DGAT2L6: variants seen among roughly 807,000 people sequenced by gnomAD.
DGAT2L6 encodes the protein diacylglycerol O-acyltransferase 2 like 6.
Under a neutral mutation model 25.5 loss-of-function variants are expected in DGAT2L6, and 22 were observed. That is an observed-to-expected ratio of 0.86 (90% CI 0.62 to 1.23). DGAT2L6 has a LOEUF of 1.23. DGAT2L6 is among the 50% of genes most tolerant of loss of function. The pLI is 0.00. For missense variants in DGAT2L6, 287 were observed against 253.2 expected (o/e 1.13, Z -0.91); for synonymous variants, 100 against 94.7 (o/e 1.06, Z -0.32).
chrX:70,196,973 T>G (rs1383460883), intron 1 of DGAT2L6, among the ~76,000 whole-genome samples: 2 of 111,488 alleles, frequency 1.8e-5, no homozygotes, highest in African/African-American at 6.5e-5. Flanking sequence ...TATTAGTTTT[T>G]TTTTCTTCTT....
At chrX:70,200,173 A>G in intron 3 of DGAT2L6, 82 bp from the exon 4 acceptor site, 2 of 975,546 alleles carry the variant, frequency 2.1e-6, no homozygotes, top group Non-Finnish European at 2.9e-6. Context: ...AGGGAAACAT[A>G]GGCTACCTGC....
At chrX:70,179,687 CT>C (rs2085337333) in intron 1 of DGAT2L6, among the ~76,000 whole-genome samples, 1 of 106,421 alleles carries the variant, frequency 9.4e-6, no homozygotes, top group Non-Finnish European at 1.9e-5. Context: ...CCTGCTTCAG[CT>C]TCCCGAGTAG....
chrX:70,201,370 T>C (rs1408128358), intron 4 of DGAT2L6, among the ~76,000 whole-genome samples: 5 of 112,041 alleles, frequency 4.5e-5, no homozygotes, highest in Non-Finnish European at 9.4e-5. Flanking sequence ...CACATTCCAT[T>C]ATTCATCTAC....
intron 1 of DGAT2L6, among the ~76,000 whole-genome samples, chrX:70,186,566 C>T (rs1486627687): frequency 1.8e-5 from 2 of 111,876 alleles, no homozygotes; most frequent in Non-Finnish European, 1.9e-5. Context: ...GTTTCCCATA[C>T]TTTAGCCATT....
At chrX:70,183,937 G>A (rs1703596317) in intron 1 of DGAT2L6, among the ~76,000 whole-genome samples, 1 of 110,842 alleles carries the variant, frequency 9.0e-6, no homozygotes, top group Non-Finnish European at 1.9e-5. Context: ...CTATTGTGCA[G>A]GCTGAAATGG....
At chrX:70,182,012 C>T (rs760097278) in intron 1 of DGAT2L6, among the ~76,000 whole-genome samples, 4 of 111,712 alleles carry the variant, frequency 3.6e-5, no homozygotes, top group East Asian at 5.6e-4. Flanking sequence ...TCTTCTTTCT[C>T]GCCTATCTTT....
At chrX:70,202,982 G>C (rs750335199) in intron 5 of DGAT2L6, among the ~76,000 whole-genome samples, 1 of 111,591 alleles carries the variant, frequency 9.0e-6, no homozygotes, top group African/African-American at 3.3e-5. Context: ...GCCTCTTTGC[G>C]GTCCCTCAAG....
intron 1 of DGAT2L6, among the ~76,000 whole-genome samples, chrX:70,196,439 A>T (rs1259234492): frequency 9.9e-6 from 1 of 101,342 alleles, no homozygotes; most frequent in Non-Finnish European, 2.0e-5. Context: ...TTGAGCCGAG[A>T]TCACGCCATG....
rs1200909746 is a variant in DGAT2L6, at chrX:70,179,308, G to C, written c.85+1641G>C. On this transcript the variant is annotated intron_variant, in intron 1 of 6. Coordinates refer to ENST00000333026, the MANE Select transcript of DGAT2L6 (RefSeq NM_198512.3). ...TCATAGTTTCCTTTTGTTTTCCTTT[G>C]CATTTCCCCTAACTTCCTCAAAAAG... Among the ~76,000 whole-genome samples the C allele has an allele frequency of 2.7e-5, 3 of 111,477 alleles. No individual in the cohort carries two copies. The East Asian group carries it at 8.5e-4, about 31-fold the overall frequency.
At chrX:70,204,186 T>C (rs1052115991) in intron 5 of DGAT2L6, 119 bp from the exon 6 acceptor site, 26 of 534,365 alleles carry the variant, frequency 4.9e-5, no homozygotes, top group South Asian at 1.6e-4. Context: ...AAGATGGAGA[T>C]GTTTGGGTGC....
intron 5 of DGAT2L6, among the ~76,000 whole-genome samples, chrX:70,203,215 G>A (rs2085416973): frequency 8.9e-6 from 1 of 112,177 alleles, no homozygotes; most frequent in African/African-American, 3.2e-5. Context: ...TATTTTCAAT[G>A]TTTATTGTCT....
chrX:70,186,561 C>T (rs10127222), intron 1 of DGAT2L6, among the ~76,000 whole-genome samples: 7,131 of 111,463 alleles, frequency 0.064, 246 homozygotes, highest in Middle Eastern at 0.12. Context: ...GGCCCGTTTC[C>T]CATACTTTAG....
rs2085423783 is a variant in DGAT2L6 at position 70,204,967 on chromosome X, C to T, written c.875C>T (p.Pro292Leu). Residue 292 changes from proline to leucine, a missense_variant, in exon 7 of 7, where the codon CCA becomes CTA. Pro to Leu is a moderately conservative substitution (Grantham distance 98, BLOSUM62 -3). Transcript: ENST00000333026. Reference protein sequence around the residue: ...PITTVVGEPLPIPRIKRPNQK... With the variant: ...PITTVVGEPLLIPRIKRPNQK... ...TTTTTCATAGTTGGGGAACCCCTTCCAATTCCCAGGATTAAGAGGCCAAAC... is the reference window on the plus strand; with the variant it reads ...TTTTTCATAGTTGGGGAACCCCTTCTAATTCCCAGGATTAAGAGGCCAAAC... The T allele has an allele frequency of 6.8e-6, 8 of 1,183,045 alleles. No individual in the cohort carries two copies. The South Asian group carries it at 9.9e-5, about 15-fold the overall frequency.
rs1204679991 is a variant in DGAT2L6, at chrX:70,177,652, G to C, written c.70G>C (p.Val24Leu). ...CTTCTTTGTTTTGCAATGGATCCCA[G>C]TCTATATATTTTTAGGTGAGTGAAC... ...QTFFVLQWIPVYIFLGAIPIL... is the reference protein window; with the variant it reads ...QTFFVLQWIPLYIFLGAIPIL... The change falls in exon 1 of 7, where the codon GTC (valine) becomes CTC (leucine). Residue 24 changes from valine (V) to leucine (L), a missense_variant. Val to Leu is a conservative substitution (Grantham distance 32). Coordinates refer to ENST00000333026, the MANE Select transcript of DGAT2L6 (RefSeq NM_198512.3). 8.3e-7 allele frequency: 1 copy of C among 1,207,238 alleles called. No homozygotes were observed. Among genetic ancestry groups the C allele is most frequent in the Admixed American group, 2.2e-5 (1 of 45,647 alleles).
At chrX:70,187,001 T>C (rs1186227830) in intron 1 of DGAT2L6, among the ~76,000 whole-genome samples, 2 of 111,668 alleles carry the variant, frequency 1.8e-5, no homozygotes, top group Non-Finnish European at 3.8e-5. Flanking sequence ...CATTATGTGA[T>C]TGTGCTTTTT....
At chrX:70,203,942 A>G (rs1025677896) in intron 5 of DGAT2L6, among the ~76,000 whole-genome samples, 1 of 110,565 alleles carries the variant, frequency 9.0e-6, no homozygotes, top group African/African-American at 3.3e-5. Context: ...CCAAGGAGGG[A>G]AGGCTAGAGC....
chrX:70,189,307 C>T (rs1319102367), intron 1 of DGAT2L6, among the ~76,000 whole-genome samples: 2 of 111,070 alleles, frequency 1.8e-5, no homozygotes, highest in Non-Finnish European at 3.8e-5. Flanking sequence ...CAAGATCATG[C>T]ATAAAAATTA....
At position 70,205,174 on chromosome X, in the gene DGAT2L6, G is replaced by C; in HGVS notation, c.*68G>C. ...GGATCCAAGTAGAGCCACAGAAAAA[G>C]AAGAATTCCAGGAGAGGGAAAGATC... On this transcript the variant is annotated 3_prime_UTR_variant, in exon 7 of 7. Transcript: ENST00000333026. 1 of 1,055,464 alleles carries C rather than the reference G, an allele frequency of 9.5e-7. No homozygotes were observed. The highest frequency in any genetic ancestry group is 3.3e-5 in the East Asian group (1 of 29,863). 87.0% of individuals were successfully genotyped at this position (1,055,464 alleles called of 1,213,427 possible). A position where few individuals can be genotyped will look rare whatever the true frequency, so the allele number is the denominator to read the frequency against.
chrX:70,196,389 G>A (rs1038519390), intron 1 of DGAT2L6, among the ~76,000 whole-genome samples: 2 of 106,466 alleles, frequency 1.9e-5, no homozygotes, highest in African/African-American at 6.8e-5. Flanking sequence ...GGCTGAAGTG[G>A]GGGGATCGCT....
Sources: gnomAD v4.1 joint callset for allele counts (sites outside exome capture counted in the v4.1 genomes callset) on GRCh38, gnomAD v4.1.1 for gene constraint, MANE v1.5 for transcripts, NCBI Gene and HGNC (gene_info 2026-07-23, HGNC 2026-07-21) for gene names.